PIAS3: variants seen among roughly 807,000 people sequenced by gnomAD.
PIAS3 encodes the protein protein inhibitor of activated STAT 3, also known as E3 SUMO-protein ligase PIAS3.
In PIAS3, 34 loss-of-function variants were observed where a neutral mutation model predicts 67.6. The ratio of observed to expected loss-of-function variants is 0.50; its 90% CI spans 0.38 to 0.67. The LOEUF is 0.67. PIAS3 is among the 30% of genes least tolerant of loss of function. The probability of loss-of-function intolerance (pLI) is 0.00; values close to 1 mark genes in which losing one functional copy is unlikely to be tolerated. For synonymous variants in PIAS3, 341 were observed against 313.8 expected (o/e 1.09, Z -0.92); for missense variants, 693 against 791.6 (o/e 0.88, Z 1.49).
rs1266398438 is a variant in PIAS3, at chr1:145,854,562, T to C, written c.806A>G (p.Asn269Ser). The change falls in exon 7 of 14, where the codon AAT becomes AGT. Residue 269 changes from asparagine to serine, a missense_variant and splice_region_variant. Coordinates refer to ENST00000393045, the MANE Select transcript of PIAS3 (RefSeq NM_006099.3). ...CACCAGGTACACAGACAAGGAGTAA[T>C]TCTACTTGGAGGCAGGGGGTAGACA... ...VVNWSSEFGR[N>S]YSLSVYLVRQ... is the part of the protein sequence containing the mutation. 6.2e-7 allele frequency: 1 copy of C among 1,612,090 alleles called. No homozygotes were observed. Among genetic ancestry groups the C allele is most frequent in the African/African-American group, 1.3e-5 (1 of 74,812 alleles).
rs587634586 is a variant in PIAS3, at chr1:145,854,268, T to C, written c.910+190A>G. 3.5e-5 allele frequency: 21 copies of C among 605,072 alleles called. No individual in the cohort carries two copies. In the African/African-American group the frequency reaches 3.7e-4, roughly 11 times the overall value. 37.5% of individuals were successfully genotyped at this position (605,072 alleles called of 1,614,324 possible). ...AGATACATGATTGGAAATTCAAGGG[T>C]GCCTGGGAGTGGTCCAACTTCAACT... On this transcript the variant is annotated intron_variant, in intron 7 of 13. Coordinates refer to ENST00000393045, the MANE Select transcript of PIAS3 (RefSeq NM_006099.3).
intron 1 of PIAS3, chr1:145,857,380 T>C: frequency 4.1e-6 from 1 of 241,432 alleles, no homozygotes; most frequent in Non-Finnish European, 8.3e-6. Flanking sequence ...ATCTCCTCTC[T>C]TGCCCTTTCT....
rs782398330 is a variant in PIAS3 at position 145,850,777 on chromosome 1, C to G, written c.1442G>C (p.Ser481Thr). 6.2e-7 allele frequency: 1 copy of G among 1,614,160 alleles called. No homozygotes were observed. Among genetic ancestry groups the G allele is most frequent in the South Asian group, 1.1e-5 (1 of 91,084 alleles). The change falls in exon 11 of 14, where the codon AGC becomes ACC. Residue 481 changes from serine to threonine, a missense_variant. Around this residue, in one of 3 missense-constraint regions of PIAS3, gnomAD observed 270 missense variants for 261.0 expected, o/e 1.03. Transcript: ENST00000393045. ...TSAAIPALPG[S>T]KGVLTSGHQP... Reference sequence around the variant, plus strand: ...TCAGCCTATTTTCTCATACCCTTTGCTTCCAGGTAGGGCCGGGATGGCAGC... The same window carrying G: ...TCAGCCTATTTTCTCATACCCTTTGGTTCCAGGTAGGGCCGGGATGGCAGC...
intron 9 of PIAS3, among the ~76,000 whole-genome samples, chr1:145,852,440 C>T (rs1203672290): frequency 1.3e-5 from 2 of 152,136 alleles, no homozygotes; most frequent in Non-Finnish European, 2.9e-5. Flanking sequence ...TATGACAGTT[C>T]AGTACACTGG....
rs201035959 is a variant in PIAS3 at position 145,854,488 on chromosome 1, T to C, written c.880A>G (p.Ile294Val). The C allele has an allele frequency of 9.3e-6, 15 of 1,613,982 alleles. No individual in the cohort carries two copies. The East Asian group carries it at 1.3e-4, about 14-fold the overall frequency. Residue 294 changes from isoleucine to valine, a missense_variant, in exon 7 of 14, where the codon ATC becomes GTC. This residue lies in a region of PIAS3 where 115 missense variants were observed against 181.8 expected (regional missense o/e 0.63). Transcript: ENST00000393045. Reference sequence around the variant, plus strand: ...GCCCGCGAGTGGTCTGGGTTCCGGATACCCTTTGCTCTGAGTTTTTGTAGA... The same window carrying C: ...GCCCGCGAGTGGTCTGGGTTCCGGACACCCTTTGCTCTGAGTTTTTGTAGA... ...TLLQKLRAKG[I>V]RNPDHSRALI...
Position 145,856,848 on chromosome 1 carries a change from G to C in PIAS3, c.183C>G (p.Tyr61Ter). 6.2e-7 allele frequency: 1 copy of C among 1,614,132 alleles called. No homozygotes were observed. Among genetic ancestry groups the C allele is most frequent in the Non-Finnish European group, 8.5e-7 (1 of 1,180,002 alleles). ...PSVQMKIKEL[Y>*]RRRFPRKTLG... ...GGGTCTTCCGGGGAAAGCGTCGTCG[G>C]TAAAGCTCTTTGATCTTCATCTGGA... The change falls in exon 2 of 14, where the codon TAC (tyrosine) becomes TAG (stop). Residue 61 changes from tyrosine to a stop codon, truncating the protein, a stop_gained. Coordinates refer to ENST00000393045, the MANE Select transcript of PIAS3 (RefSeq NM_006099.3). LOFTEE classifies it high-confidence loss of function.
At position 145,857,017 on chromosome 1, in the gene PIAS3, A is replaced by C. The variant is rs1553735790; in HGVS notation, c.25-11T>G. ...ACTCATCACCATGTGCTGTGGAGAA[A>C]AACAGAGAAGCTTGAGCATCCTCCC... On this transcript the variant is annotated splice_polypyrimidine_tract_variant and intron_variant, in intron 1 of 13. Transcript: ENST00000393045. 6.2e-7 allele frequency: 1 copy of C among 1,611,902 alleles called. No homozygotes were observed. Among genetic ancestry groups the C allele is most frequent in the African/African-American group, 1.3e-5 (1 of 74,848 alleles).
chr1:145,850,102 C>A (rs955925013), intron 13 of PIAS3, 130 bp downstream of exon 13: 1 of 1,534,100 alleles, frequency 6.5e-7, no homozygotes, highest in Non-Finnish European at 8.7e-7. Context: ...TAATAAGATA[C>A]CTACACCCCA....
At position 145,854,461 on chromosome 1, in the gene PIAS3, G is replaced by C. The variant is rs1559164145; in HGVS notation, c.907C>G (p.Leu303Val). 6.2e-7 allele frequency: 1 copy of C among 1,607,216 alleles called. No individual in the cohort carries two copies. Among genetic ancestry groups the C allele is most frequent in the Non-Finnish European group, 8.5e-7 (1 of 1,173,700 alleles). Residue 303 changes from leucine to valine, a missense_variant, in exon 7 of 14, where the codon CTG becomes GTG. This residue lies in a region of PIAS3 where 115 missense variants were observed against 181.8 expected (regional missense o/e 0.63). Transcript: ENST00000393045. ...AGAGAGGAAAGATGTTACTCACTCA[G>C]TGCCCGCGAGTGGTCTGGGTTCCGG... Reference protein sequence around the residue: ...GIRNPDHSRALIKEKLTADPD... With the variant: ...GIRNPDHSRAVIKEKLTADPD...
intron 9 of PIAS3, among the ~76,000 whole-genome samples, chr1:145,851,653 CT>C (rs1315164236): frequency 1.7e-5 from 2 of 115,074 alleles, no homozygotes; most frequent in Non-Finnish European, 1.7e-5. Context: ...AAGGCTCTGC[CT>C]CAAAAAAAAA....
chr1:145,854,851 G>T lies in PIAS3; in HGVS notation c.699C>A (p.Ala233=). The T allele has an allele frequency of 1.9e-6, 3 of 1,614,178 alleles. No homozygotes were observed. ...TGGGGCGGCTGGGCCTCTTGGGCTC[G>T]GCCCCATTCTTGGTTGGGGGAAGGT... ...PGYLPPTKNG[A]EPKRPSRPIN... is the part of the protein sequence containing the mutation. Residue 233 remains alanine (A), a synonymous_variant, in exon 6 of 14, where the codon GCC becomes GCA. Transcript: ENST00000393045.
rs1371528791 is a variant in PIAS3, at chr1:145,854,193, A to C, written c.910+265T>G. On this transcript the variant is annotated intron_variant, in intron 7 of 13. Transcript: ENST00000393045. ...ACCCCTAAGATTCTTTCCAGTCCGGAGAGCCCATATTCTAGCAGGGCTGGA... is the reference window on the plus strand; with the variant it reads ...ACCCCTAAGATTCTTTCCAGTCCGGCGAGCCCATATTCTAGCAGGGCTGGA... 25 of 595,238 alleles carry C rather than the reference A, an allele frequency of 4.2e-5. No homozygotes were observed. In the East Asian group the frequency reaches 6.9e-4, roughly 16 times the overall value. The allele number at this position is 595,238 out of a possible 1,614,324, so 36.9% of individuals were successfully genotyped here. A position where few individuals can be genotyped will look rare whatever the true frequency, so the allele number is the denominator to read the frequency against.
chr1:145,854,303 G>C, intron 7 of PIAS3, 155 bp downstream of exon 7: 1 of 629,890 alleles, frequency 1.6e-6, no homozygotes, highest in South Asian at 1.9e-5. Context: ...TATAAAGACT[G>C]GAAGACTGGT....
rs782460148 is a variant in PIAS3 at position 145,850,876 on chromosome 1, A to G, written c.1343T>C (p.Ile448Thr). ...PSENKKKVEVIDLTIESSSDE... is the reference protein window; with the variant it reads ...PSENKKKVEVTDLTIESSSDE... ...TGATGAGCTTTCTATTGTCAAGTCA[A>G]TAACTTCGACCTTCTTCTTATTCTC... Residue 448 changes from isoleucine (I) to threonine (T), a missense_variant, in exon 11 of 14, where the codon ATT (isoleucine) becomes ACT (threonine). By Grantham distance (89) the Ile-to-Thr change is moderately conservative (BLOSUM62 -1). Transcript: ENST00000393045. 3 of 1,614,234 alleles carry G rather than the reference A, an allele frequency of 1.9e-6. No homozygotes were observed. Among genetic ancestry groups the G allele is most frequent in the South Asian group, 1.1e-5 (1 of 91,088 alleles).
rs1364596816 is a variant in PIAS3 at position 145,856,060 on chromosome 1, G to C, written c.578+8C>G. On this transcript the variant is annotated splice_region_variant and intron_variant, in intron 4 of 13. Transcript: ENST00000393045. ...GGTACCCAGGATAGGCAGGGAGGAT[G>C]AACTCACCTTAGCTGCACCTGTATG... 1.9e-6 allele frequency: 3 copies of C among 1,612,296 alleles called. No individual in the cohort carries two copies. The highest frequency in any genetic ancestry group is 2.5e-6 in the Non-Finnish European group (3 of 1,178,494).
At chr1:145,855,952 G>A (rs977962844) in intron 4 of PIAS3, 116 bp downstream of exon 4, 21 of 1,053,732 alleles carry the variant, frequency 2.0e-5, no homozygotes, top group African/African-American at 7.8e-5. Context: ...AACAAGAGTC[G>A]CAGGGCTGCA....
At position 145,851,005 on chromosome 1, in the gene PIAS3, C is replaced by CA; in HGVS notation, c.1279+14dup. On this transcript the variant is annotated intron_variant, in intron 10 of 13. Coordinates refer to ENST00000393045, the MANE Select transcript of PIAS3 (RefSeq NM_006099.3). ...TCCAAGATTTAGCTTAGCTGGGGAA[C>CA]AGGGGGTCACTCACCATCCAGCCCA... 1 of 1,614,172 alleles carries CA rather than the reference C, an allele frequency of 6.2e-7. No individual in the cohort carries two copies. Among genetic ancestry groups the CA allele is most frequent in the Non-Finnish European group, 8.5e-7 (1 of 1,180,024 alleles).
intron 10 of PIAS3, 34 bp from the exon 11 acceptor site, chr1:145,850,973 G>A (rs1652937616): frequency 1.2e-6 from 2 of 1,614,146 alleles, no homozygotes; most frequent in East Asian, 4.5e-5. Flanking sequence ...TCTCAGAGAA[G>A]AGGCCATCCA....
At chr1:145,851,685 GGT>G (rs1393467934) in intron 9 of PIAS3, among the ~76,000 whole-genome samples, 1 of 148,868 alleles carries the variant, frequency 6.7e-6, no homozygotes, top group Non-Finnish European at 1.5e-5. Context: ...AAGCCGGCGT[GGT>G]GGCTCACGCC....
Sources: allele counts gnomAD v4.1 joint callset (sites outside exome capture counted in the v4.1 genomes callset), GRCh38; gene constraint gnomAD v4.1.1; regional missense constraint gnomAD v4.1.1; transcripts MANE v1.5; gene names NCBI Gene and HGNC (gene_info 2026-07-23, HGNC 2026-07-21).